Variants in HFM1 observed in about 807,000 individuals in gnomAD.
HFM1 encodes the protein probable ATP-dependent DNA helicase HFM1.
HFM1 carries 169 observed loss-of-function variants against 192.1 expected under a neutral mutation model. The ratio of observed to expected loss-of-function variants is 0.88; its 90% CI spans 0.78 to 1.00. HFM1 has a LOEUF of 1.00. HFM1 is among the 50% of genes least tolerant of loss of function. The pLI is 0.00. For missense variants in HFM1, 1,661 were observed against 1,668.0 expected (o/e 1.00, Z 0.07); for synonymous variants, 525 against 537.8 (o/e 0.98, Z 0.33).
At chr1:91,348,350 T>G (rs979068306) in intron 18 of HFM1, among the ~76,000 whole-genome samples, 1 of 152,076 alleles carries the variant, frequency 6.6e-6, no homozygotes, top group African/African-American at 2.4e-5. Context: ...AGAAACAAAA[T>G]ATGGCACTTT....
At chr1:91,284,704 A>C (rs913835011) in intron 30 of HFM1, among the ~76,000 whole-genome samples, 1 of 152,222 alleles carries the variant, frequency 6.6e-6, no homozygotes, top group Non-Finnish European at 1.5e-5. Context: ...ATATACTGAG[A>C]GCAGGCCTGA....
At chr1:91,407,033 CAT>C (rs1267574724), upstream of HFM1, among the ~76,000 whole-genome samples, 2 of 152,158 alleles carry the variant, frequency 1.3e-5, no homozygotes, top group African/African-American at 4.8e-5. Flanking sequence ...TGTGGTAAAA[CAT>C]GCGTAATATT....
rs148527148 is a variant in HFM1 at position 91,330,838 on chromosome 1, A to G, written c.2336-6072T>C. On this transcript the variant is annotated intron_variant, in intron 20 of 38. Coordinates refer to ENST00000370425, the MANE Select transcript of HFM1 (RefSeq NM_001017975.6). ...TGGGGTTTATCCCAGGGATGCAAGG[A>G]TAGTTCAACGTATACAAATCAACCA... Among the ~76,000 whole-genome samples the G allele has an allele frequency of 3.9e-3, 591 of 152,350 alleles. 1 individual carries two copies. The highest frequency in any genetic ancestry group is 0.014 in the African/African-American group (562 of 41,586).
Position 91,379,204 on chromosome 1 carries a change from T to C in HFM1, c.1017A>G (p.Ile339Met). The change falls in exon 9 of 39, where the codon ATA (isoleucine) becomes ATG (methionine). Residue 339 changes from isoleucine (I) to methionine (M), a missense_variant. Physicochemically the swap from Ile to Met is conservative, Grantham distance 10. Transcript: ENST00000370425. Reference protein sequence around the residue: ...LNIKIVYMAPIKALCSQRFDD... With the variant: ...LNIKIVYMAPMKALCSQRFDD... ...CAAAACGCTGACTGCACAAGGCTTTTATTGGTGCCACTGTAACAATATAAA... is the reference window on the plus strand; with the variant it reads ...CAAAACGCTGACTGCACAAGGCTTTCATTGGTGCCACTGTAACAATATAAA... 1 of 1,602,682 alleles carries C rather than the reference T, an allele frequency of 6.2e-7. No individual in the cohort carries two copies. Among genetic ancestry groups the C allele is most frequent in the East Asian group, 2.2e-5 (1 of 44,622 alleles).
chr1:91,387,271 G>C (rs1479832815), intron 4 of HFM1, among the ~76,000 whole-genome samples: 1 of 152,078 alleles, frequency 6.6e-6, no homozygotes, highest in Non-Finnish European at 1.5e-5. Flanking sequence ...AACGCTTGGT[G>C]AATTCTGCTT....
In HFM1 at chr1:91,273,789, AAT is replaced by A; in HGVS notation, c.3693_3694del (p.Glu1231AspfsTer11). 1.3e-6 allele frequency: 2 copies of A among 1,590,134 alleles called. No homozygotes were observed. The highest frequency in any genetic ancestry group is 8.6e-7 in the Non-Finnish European group (1 of 1,160,318). Reference sequence around the variant, plus strand: ...CTGATCCCACTGCTCCATTATAGGCAATTCAGATATGTTTAAATATTCTGACC... The same window carrying A: ...CTGATCCCACTGCTCCATTATAGGCATCAGATATGTTTAAATATTCTGACC... On this transcript the variant is annotated frameshift_variant, in exon 34 of 39. Coordinates refer to ENST00000370425, the MANE Select transcript of HFM1 (RefSeq NM_001017975.6). LOFTEE classifies it high-confidence loss of function.
At chr1:91,316,865 C>T (rs929202530) in intron 25 of HFM1, among the ~76,000 whole-genome samples, 1 of 152,148 alleles carries the variant, frequency 6.6e-6, no homozygotes, top group African/African-American at 2.4e-5. Flanking sequence ...CTTTATGAAG[C>T]TATGGCTCTC....
chr1:91,315,777 T>C, intron 28 of HFM1, 38 bp downstream of exon 28: 1 of 1,526,656 alleles, frequency 6.6e-7, no homozygotes, highest in Non-Finnish European at 8.9e-7. Context: ...CAGTATATGC[T>C]TAGAAATAAG....
In HFM1 at chr1:91,378,387, C is replaced by T. The variant is rs1324534029; in HGVS notation, c.1236+16G>A. The T allele has an allele frequency of 6.4e-6, 10 of 1,554,134 alleles. No individual in the cohort carries two copies. The highest frequency in any genetic ancestry group is 2.7e-5 in the African/African-American group (2 of 73,614). On this transcript the variant is annotated intron_variant, in intron 10 of 38. Transcript: ENST00000370425. The stretch of plus-strand genomic sequence containing the variant: ...ATCCTTTTATGTTTATCTCTGAAAG[C>T]GAATGCATTCATTACCTCATCAATG...
intron 30 of HFM1, among the ~76,000 whole-genome samples, chr1:91,312,736 A>C (rs1022531700): frequency 6.6e-6 from 1 of 152,076 alleles, no homozygotes; most frequent in African/African-American, 2.4e-5. Context: ...TTGAAATGTG[A>C]GGACATGAGA....
chr1:91,332,674 G>T (rs1202616388), intron 20 of HFM1, among the ~76,000 whole-genome samples: 1 of 151,968 alleles, frequency 6.6e-6, no homozygotes, highest in East Asian at 1.9e-4. Flanking sequence ...CCCACAGAAT[G>T]GGAGAAAATA....
chr1:91,263,806 C>T (rs1267334977), intron 36 of HFM1, among the ~76,000 whole-genome samples: 1 of 152,174 alleles, frequency 6.6e-6, no homozygotes, highest in East Asian at 1.9e-4. Context: ...GCAACTTCTA[C>T]ACCAGGTTCT....
chr1:91,316,094 T>C lies in HFM1; in HGVS notation c.2982+7A>G. The C allele has an allele frequency of 6.5e-7, 1 of 1,548,402 alleles. No individual in the cohort carries two copies. Among genetic ancestry groups the C allele is most frequent in the Non-Finnish European group, 8.9e-7 (1 of 1,126,906 alleles). ...AATAAAATATCTAAGAAACAGAAAA[T>C]ATTTACCTGTTCCACTTTAAGTTCA... On this transcript the variant is annotated splice_region_variant and intron_variant, in intron 27 of 38. Transcript: ENST00000370425.
chr1:91,286,460 C>CT (rs1402726887), intron 30 of HFM1, among the ~76,000 whole-genome samples: 1 of 152,234 alleles, frequency 6.6e-6, no homozygotes, highest in East Asian at 1.9e-4. Flanking sequence ...ATCTCTGCCT[C>CT]TGTCTTTGCA....
Position 91,401,032 on chromosome 1 carries a change from T to C in HFM1, c.51A>G (p.Glu17=). 1 of 1,547,544 alleles carries C rather than the reference T, an allele frequency of 6.5e-7. No homozygotes were observed. The change falls in exon 2 of 39, where the codon GAA becomes GAG. Residue 17 remains glutamate (E), a synonymous_variant. Transcript: ENST00000370425. ...CLFSLENLFF[E]KPDEVENHPD... ...CTTACTTTTCAACTTCATCTGGTTT[T>C]TCAAAAAACAAATTTTCCAAAGAAA...
intron 20 of HFM1, among the ~76,000 whole-genome samples, chr1:91,341,300 A>G (rs1030612813): frequency 1.3e-5 from 2 of 152,220 alleles, no homozygotes; most frequent in African/African-American, 2.4e-5. Flanking sequence ...CCATACAATT[A>G]CATGGAAATT....
chr1:91,308,679 C>A (rs1649997342), intron 30 of HFM1, among the ~76,000 whole-genome samples: 1 of 152,070 alleles, frequency 6.6e-6, no homozygotes, highest in African/African-American at 2.4e-5. Flanking sequence ...CTAGGACTAC[C>A]AGTGTGTGTC....
chr1:91,325,138 C>A (rs1399814169), intron 20 of HFM1, among the ~76,000 whole-genome samples: 1 of 152,166 alleles, frequency 6.6e-6, no homozygotes, highest in African/African-American at 2.4e-5. Flanking sequence ...TGCATAGTCC[C>A]AGGCCTGGCA....
intron 19 of HFM1, 152 bp downstream of exon 19, chr1:91,347,277 T>C (rs1656266546): frequency 2.2e-6 from 1 of 455,318 alleles, no homozygotes; most frequent in Non-Finnish European, 4.0e-6. Flanking sequence ...GCCAAGCTTT[T>C]TGTGTGAAAA....
Sources: allele counts gnomAD v4.1 joint callset (sites outside exome capture counted in the v4.1 genomes callset), GRCh38; gene constraint gnomAD v4.1.1; transcripts MANE v1.5; gene names NCBI Gene and HGNC (gene_info 2026-07-23, HGNC 2026-07-21).